The following KCNH8 variants were observed in gnomAD, a reference collection of about 807,000 sequenced individuals.
The protein encoded by KCNH8 is potassium voltage-gated channel subfamily H member 8.
In KCNH8, 70 loss-of-function variants were observed where a neutral mutation model predicts 103.6. That is an observed-to-expected ratio of 0.68 (90% confidence interval 0.56 to 0.82). The LOEUF is 0.82. Among genes scored for constraint, KCNH8 ranks in the 40% least tolerant of loss-of-function variants. The probability of loss-of-function intolerance (pLI) is 0.00; values close to 1 mark genes in which losing one functional copy is unlikely to be tolerated. For missense variants in KCNH8, 1,217 were observed against 1,329.9 expected, an observed-to-expected ratio of 0.92 and a Z score of 1.32; for synonymous variants, 498 against 489.4, an observed-to-expected ratio of 1.02 and a Z score of -0.23.
intron 2 of KCNH8, among the ~76,000 whole-genome samples, chr3:19,265,027 G>A (rs1274329896): frequency 6.6e-6 from 1 of 152,048 alleles, no homozygotes; most frequent in Non-Finnish European, 1.5e-5. Context: ...GGGGATGGTA[G>A]GCATGCCAGG....
chr3:19,233,306 A>C (rs973184700), intron 1 of KCNH8, among the ~76,000 whole-genome samples: 2 of 152,154 alleles, frequency 1.3e-5, no homozygotes, highest in African/African-American at 2.4e-5. Context: ...AACATGAAAC[A>C]ATTGGAATAA....
intron 7 of KCNH8, among the ~76,000 whole-genome samples, chr3:19,425,306 GAATAT>G (rs139935367): frequency 0.01 from 1,552 of 152,212 alleles, 26 homozygotes; most frequent in African/African-American, 0.035. Flanking sequence ...AGTACAGTTT[GAATAT>G]TTTCCTCCTT....
At chr3:19,230,910 T>C (rs754719447) in intron 1 of KCNH8, among the ~76,000 whole-genome samples, 1 of 152,202 alleles carries the variant, frequency 6.6e-6, no homozygotes, top group African/African-American at 2.4e-5. Flanking sequence ...AATCAAAACT[T>C]TTAACTTCTA....
intron 11 of KCNH8, among the ~76,000 whole-genome samples, chr3:19,486,296 A>C (rs538403252): frequency 6.6e-6 from 1 of 152,348 alleles, no homozygotes; most frequent in South Asian, 2.1e-4. Context: ...ACAGACTTCA[A>C]TTGTTATCTG....
At chr3:19,510,001 GA>G (rs61218242) in intron 11 of KCNH8, among the ~76,000 whole-genome samples, 2,433 of 20,122 alleles carry the variant, frequency 0.12, 34 homozygotes, top group South Asian at 0.18. Flanking sequence ...GGAGATAGAG[GA>G]AAAAAAAAAG....
rs540110221 is a variant in KCNH8, at chr3:19,313,079, T to C, written c.443-29508T>C. ...GAGTTGCTCTAGAATTCCAAAAATA[T>C]GAGTGGTTGCATTGAATGGGGAACA... On this transcript the variant is annotated intron_variant, in intron 3 of 15. Transcript: ENST00000328405. 2.6e-5 allele frequency among the ~76,000 whole-genome samples: 4 copies of C among 152,080 alleles called. No homozygotes were observed. The South Asian group carries it at 8.3e-4, about 31-fold the overall frequency.
intron 11 of KCNH8, among the ~76,000 whole-genome samples, chr3:19,495,845 T>C (rs1413904560): frequency 6.6e-6 from 1 of 152,188 alleles, no homozygotes; most frequent in Non-Finnish European, 1.5e-5. Flanking sequence ...GGAGTGTTTT[T>C]CCATGTGTTT....
intron 1 of KCNH8, among the ~76,000 whole-genome samples, chr3:19,209,583 T>C (rs2063749691): frequency 6.6e-6 from 1 of 152,086 alleles, no homozygotes; most frequent in Admixed American, 6.6e-5. Context: ...TAGACTACCT[T>C]AAATTATCCA....
chr3:19,346,410 T>C (rs2125319278), intron 4 of KCNH8, among the ~76,000 whole-genome samples: 1 of 152,112 alleles, frequency 6.6e-6, no homozygotes, highest in South Asian at 2.1e-4. Flanking sequence ...AAATGGGCAT[T>C]TAAGGACCAT....
At chr3:19,239,681 T>TACCTAC (rs2064113186) in intron 1 of KCNH8, among the ~76,000 whole-genome samples, 4 of 138,490 alleles carry the variant, frequency 2.9e-5, no homozygotes, top group African/African-American at 1.0e-4. Context: ...TATCTATCTA[T>TACCTAC]CTACCTACCT....
chr3:19,375,256 A>G (rs1287188891), intron 5 of KCNH8, among the ~76,000 whole-genome samples: 1 of 151,568 alleles, frequency 6.6e-6, no homozygotes. Flanking sequence ...TCAGACGTAG[A>G]TTTGGTCTTT....
At chr3:19,494,125 G>C (rs1000959688) in intron 11 of KCNH8, among the ~76,000 whole-genome samples, 2 of 152,172 alleles carry the variant, frequency 1.3e-5, no homozygotes, top group Admixed American at 6.6e-5. Flanking sequence ...GTTTGCTTAG[G>C]ATAATTGCCT....
rs113627715 is a variant in KCNH8, at chr3:19,226,584, T to TTCTCTC, written c.77-27058_77-27053dup. On this transcript the variant is annotated intron_variant, in intron 1 of 15. Transcript: ENST00000328405. ...TCTCTCTCTCTGTTTCTTTCAGTCT[T>TTCTCTC]TCTCTCTCTCTCTCTCTGTCACACA... 4.6e-3 allele frequency among the ~76,000 whole-genome samples: 683 copies of TTCTCTC among 148,130 alleles called. 3 individuals are homozygous for TTCTCTC. Among genetic ancestry groups the TTCTCTC allele is most frequent in the African/African-American group, 0.016 (642 of 40,194 alleles).
At chr3:19,172,800 T>C (rs1435889852) in intron 1 of KCNH8, among the ~76,000 whole-genome samples, 1 of 152,212 alleles carries the variant, frequency 6.6e-6, no homozygotes, top group East Asian at 1.9e-4. Flanking sequence ...CTTATCTACC[T>C]TGTGGTTGTG....
At chr3:19,236,307 T>C (rs967378916) in intron 1 of KCNH8, among the ~76,000 whole-genome samples, 18 of 152,226 alleles carry the variant, frequency 1.2e-4, no homozygotes, top group Non-Finnish European at 2.9e-5. Flanking sequence ...TGCAGCTTTT[T>C]GGTTAACAAC....
At chr3:19,322,715 A>T (rs189419331) in intron 3 of KCNH8, among the ~76,000 whole-genome samples, 119 of 152,172 alleles carry the variant, frequency 7.8e-4, no homozygotes, top group Non-Finnish European at 1.4e-3. Context: ...TTTCTTTGAG[A>T]ATCTTGTATT....
At chr3:19,427,029 A>T (rs938052098) in intron 7 of KCNH8, among the ~76,000 whole-genome samples, 4 of 152,198 alleles carry the variant, frequency 2.6e-5, no homozygotes, top group African/African-American at 7.2e-5. Context: ...AAAGCACCAA[A>T]GGGTACCAAT....
chr3:19,271,063 C>T (rs983842905), intron 2 of KCNH8, among the ~76,000 whole-genome samples: 4 of 152,002 alleles, frequency 2.6e-5, no homozygotes, highest in African/African-American at 9.7e-5. Flanking sequence ...TATATAGAAC[C>T]ATAATATTTC....
intron 8 of KCNH8, among the ~76,000 whole-genome samples, chr3:19,445,761 T>C (rs1388139080): frequency 2.0e-5 from 3 of 151,938 alleles, no homozygotes; most frequent in Non-Finnish European, 4.4e-5. Flanking sequence ...GGCTGGACTA[T>C]TTATCATAGA....
Sources: allele counts gnomAD v4.1 joint callset (sites outside exome capture counted in the v4.1 genomes callset), GRCh38; gene constraint gnomAD v4.1.1; transcripts MANE v1.5; gene names NCBI Gene and HGNC (gene_info 2026-07-23, HGNC 2026-07-21).